Variants in GPRASP3 observed in about 807,000 individuals in gnomAD.
GPRASP3 encodes G protein-coupled receptor associated sorting protein family member 3, also known as G protein-coupled receptor associated sorting protein 3.
the GPRASP3 span, chrX:102,750,794 A>C: frequency 2.7e-6 from 1 of 369,590 alleles, no homozygotes; most frequent in Non-Finnish European, 4.5e-6. Context: ...AATGAATATT[A>C]TACCTTGGGC....
chrX:102,747,149 A>G, the GPRASP3 span, among the ~76,000 whole-genome samples: 1 of 112,137 alleles, frequency 8.9e-6, no homozygotes, highest in African/African-American at 3.2e-5. Context: ...AAATAGTCCC[A>G]CAGAAGAATT....
At chrX:102,733,960 GGTT>G in the GPRASP3 span, among the ~76,000 whole-genome samples, 1 of 109,461 alleles carries the variant, frequency 9.1e-6, no homozygotes, top group African/African-American at 3.3e-5. Flanking sequence ...AGTCAAAGGG[GGTT>G]GTTCTCTGAC....
At chrX:102,750,941 C>T in the GPRASP3 span, 2 of 189,632 alleles carry the variant, frequency 1.1e-5, no homozygotes, top group East Asian at 2.2e-4. Context: ...AGAAAATATC[C>T]TTGAGTTTGT....
At chrX:102,743,753 G>A in the GPRASP3 span, among the ~76,000 whole-genome samples, 1 of 108,556 alleles carries the variant, frequency 9.2e-6, no homozygotes, top group African/African-American at 3.4e-5. Flanking sequence ...ATTGGTTGGG[G>A]GTGCAATCAT....
chrX:102,741,254 T>C, the GPRASP3 span, among the ~76,000 whole-genome samples: 1 of 112,198 alleles, frequency 8.9e-6, no homozygotes, highest in Non-Finnish European at 1.9e-5. Flanking sequence ...GTGGGCGACT[T>C]GAAGGACAAG....
chrX:102,741,603 T>G, the GPRASP3 span, among the ~76,000 whole-genome samples: 1 of 112,155 alleles, frequency 8.9e-6, no homozygotes, highest in Non-Finnish European at 1.9e-5. Flanking sequence ...TTTTTCAATT[T>G]TAGAGAGGCA....
the GPRASP3 span, among the ~76,000 whole-genome samples, chrX:102,744,969 C>T: frequency 9.0e-6 from 1 of 111,527 alleles, no homozygotes; most frequent in Non-Finnish European, 1.9e-5. Context: ...TCAAACTCCC[C>T]ATCGCTTGGA....
At chrX:102,727,227 G>T in the GPRASP3 span, among the ~76,000 whole-genome samples, 1 of 112,563 alleles carries the variant, frequency 8.9e-6, no homozygotes, top group Non-Finnish European at 1.9e-5. Context: ...GCTTTTTTCC[G>T]TCTCTTTCTT....
chrX:102,724,718 GGTGTGTGT>G, the GPRASP3 span, among the ~76,000 whole-genome samples: 255 of 98,828 alleles, frequency 2.6e-3, 1 homozygote, highest in African/African-American at 8.8e-3. Context: ...CAGGGTGACT[GGTGTGTGT>G]GTGTGTGTGT....
the GPRASP3 span, chrX:102,749,427 C>T: frequency 9.1e-6 from 11 of 1,210,053 alleles, no homozygotes; most frequent in Non-Finnish European, 1.2e-5. Flanking sequence ...AAATTGGTGC[C>T]CAGGTCTGTG....
the GPRASP3 span, chrX:102,748,817 T>A: frequency 2.2e-6 from 1 of 454,224 alleles, no homozygotes; most frequent in East Asian, 3.8e-5. Context: ...GCCCTCTGTA[T>A]CATTGACAGA....
At chrX:102,725,695 T>C in the GPRASP3 span, among the ~76,000 whole-genome samples, 2 of 111,148 alleles carry the variant, frequency 1.8e-5, no homozygotes, top group African/African-American at 6.6e-5. Context: ...TTTTGCACCA[T>C]TAATTTATGC....
At chrX:102,731,338 C>G in the GPRASP3 span, among the ~76,000 whole-genome samples, 1 of 112,346 alleles carries the variant, frequency 8.9e-6, no homozygotes, top group Non-Finnish European at 1.9e-5. Flanking sequence ...AAAAAGGCTT[C>G]AGGGGCCGGG....
At chrX:102,752,816 C>T in the GPRASP3 span, 1 of 122,987 alleles carries the variant, frequency 8.1e-6, no homozygotes, top group Admixed American at 9.5e-5. Flanking sequence ...GTCACCCAGG[C>T]TGGAGTACAG....
chrX:102,731,178 A>T, the GPRASP3 span, among the ~76,000 whole-genome samples: 2 of 113,122 alleles, frequency 1.8e-5, no homozygotes, highest in African/African-American at 6.4e-5. Flanking sequence ...AAGTGTTACC[A>T]CTGGAAGGTA....
At chrX:102,749,781 A>C in the GPRASP3 span, 4 of 1,211,689 alleles carry the variant, frequency 3.3e-6, no homozygotes, top group African/African-American at 6.9e-5. Flanking sequence ...TGCCTGTGGC[A>C]ACAGCTTGCC....
At chrX:102,740,461 T>C in the GPRASP3 span, among the ~76,000 whole-genome samples, 1 of 111,760 alleles carries the variant, frequency 8.9e-6, no homozygotes, top group Non-Finnish European at 1.9e-5. Flanking sequence ...GGGGCCCAAG[T>C]CCCTTAAAAT....
At chrX:102,722,621 T>G in the GPRASP3 span, among the ~76,000 whole-genome samples, 132 of 111,676 alleles carry the variant, frequency 1.2e-3, no homozygotes, top group African/African-American at 3.9e-3. Flanking sequence ...ATCCATATCT[T>G]GAAGCTATCT....
the GPRASP3 span, among the ~76,000 whole-genome samples, chrX:102,734,624 T>TAAC: frequency 9.0e-6 from 1 of 110,551 alleles, no homozygotes; most frequent in African/African-American, 3.3e-5. Flanking sequence ...CTCAAAAAAA[T>TAAC]AATAATAATA....
Sources: allele counts gnomAD v4.1 joint callset (sites outside exome capture counted in the v4.1 genomes callset), GRCh38; gene constraint gnomAD v4.1.1; transcripts MANE v1.5; gene names NCBI Gene and HGNC (gene_info 2026-07-23, HGNC 2026-07-21).